The following ATXN7L1 variants were observed in gnomAD, a reference collection of about 807,000 sequenced individuals.
ATXN7L1 encodes ataxin-7-like protein 1.
Under a neutral mutation model 70.8 loss-of-function variants are expected in ATXN7L1, and 15 were observed. The observed-to-expected ratio is 0.21, with a 90% CI of 0.14 to 0.33. The LOEUF (loss-of-function observed/expected upper bound fraction) is 0.33. Ranked by LOEUF, ATXN7L1 falls within the 10% of genes least tolerant of loss-of-function variation. The pLI is 1.00. For missense variants in ATXN7L1, 975 were observed against 1,097.1 expected (o/e 0.89, Z 1.57); for synonymous variants, 440 against 445.1 (o/e 0.99, Z 0.14).
chr7:105,733,890 A>T (rs1797073895), intron 3 of ATXN7L1, among the ~76,000 whole-genome samples: 2 of 104,912 alleles, frequency 1.9e-5, no homozygotes, highest in East Asian at 2.9e-4. Flanking sequence ...ATCATCCATC[A>T]TCCATCCATC....
chr7:105,821,029 G>A (rs1185524228), intron 2 of ATXN7L1, among the ~76,000 whole-genome samples: 1 of 152,116 alleles, frequency 6.6e-6, no homozygotes, highest in Non-Finnish European at 1.5e-5. Context: ...TGAAACCTCT[G>A]TTTTTTTGTT....
At chr7:105,675,581 C>T (rs1020251917) in intron 3 of ATXN7L1, among the ~76,000 whole-genome samples, 5 of 151,428 alleles carry the variant, frequency 3.3e-5, no homozygotes, top group Admixed American at 1.3e-4. Flanking sequence ...CCTGAGATCA[C>T]GCCACTGCAC....
intron 3 of ATXN7L1, among the ~76,000 whole-genome samples, chr7:105,731,413 A>C (rs1796515007): frequency 6.6e-6 from 1 of 151,250 alleles, no homozygotes; most frequent in Non-Finnish European, 1.5e-5. Flanking sequence ...GTGTACCCTT[A>C]ACCTACATTA....
intron 2 of ATXN7L1, among the ~76,000 whole-genome samples, chr7:105,867,515 G>A (rs1189857519): frequency 2.0e-5 from 3 of 152,200 alleles, no homozygotes; most frequent in African/African-American, 4.8e-5. Context: ...TGTCACCAGT[G>A]ACTGCAGACT....
intron 4 of ATXN7L1, 58 bp downstream of exon 4, chr7:105,665,008 T>C: frequency 6.9e-7 from 1 of 1,446,898 alleles, no homozygotes; most frequent in Non-Finnish European, 9.5e-7. Flanking sequence ...TATTTCCCCA[T>C]GGTGACAGGA....
At chr7:105,838,700 C>T (rs185755820) in intron 2 of ATXN7L1, among the ~76,000 whole-genome samples, 8 of 152,272 alleles carry the variant, frequency 5.3e-5, no homozygotes, top group Admixed American at 4.6e-4. Flanking sequence ...CTGATTGTTC[C>T]ACTCCTTTCT....
intron 2 of ATXN7L1, among the ~76,000 whole-genome samples, chr7:105,832,643 C>T (rs1269841246): frequency 1.3e-5 from 2 of 152,212 alleles, no homozygotes; most frequent in East Asian, 3.8e-4. Flanking sequence ...GCTCACCCAG[C>T]CACTGCCTGC....
intron 3 of ATXN7L1, among the ~76,000 whole-genome samples, chr7:105,716,254 A>G (rs1794530422): frequency 6.6e-6 from 1 of 152,164 alleles, no homozygotes; most frequent in Non-Finnish European, 1.5e-5. Flanking sequence ...ATTTCATTAT[A>G]TAAATGAAAA....
chr7:105,791,427 C>G (rs1307400353), intron 2 of ATXN7L1, among the ~76,000 whole-genome samples: 3 of 152,102 alleles, frequency 2.0e-5, no homozygotes, highest in Non-Finnish European at 4.4e-5. Flanking sequence ...GACAAGAGCC[C>G]GAACCTGGGC....
At chr7:105,644,066 C>T (rs1445089690) in intron 4 of ATXN7L1, among the ~76,000 whole-genome samples, 1 of 152,172 alleles carries the variant, frequency 6.6e-6, no homozygotes, top group African/African-American at 2.4e-5. Context: ...CCAGTCATCT[C>T]TGAGCTGAGA....
At position 105,736,330 on chromosome 7, in the gene ATXN7L1, C is replaced by T. The variant is rs672454; in HGVS notation, c.355+52274G>A. On this transcript the variant is annotated intron_variant, in intron 3 of 11. Coordinates refer to ENST00000419735, the MANE Select transcript of ATXN7L1 (RefSeq NM_020725.2). ...TTGCCACGTGTGCTTAATTACCTTG[C>T]AGCACGATAATGAACAGGTCTGTCA... Among the ~76,000 whole-genome samples, 356 of 152,340 alleles carry T rather than the reference C, an allele frequency of 2.3e-3. 2 individuals carry two copies. The highest frequency in any genetic ancestry group is 7.9e-3 in the African/African-American group (328 of 41,560).
chr7:105,717,561 T>C (rs1794719161), intron 3 of ATXN7L1, among the ~76,000 whole-genome samples: 1 of 152,244 alleles, frequency 6.6e-6, no homozygotes, highest in African/African-American at 2.4e-5. Context: ...TGTACGCAAT[T>C]TGATTTATTT....
chr7:105,652,455 C>T (rs1799991973), intron 4 of ATXN7L1, among the ~76,000 whole-genome samples: 3 of 152,160 alleles, frequency 2.0e-5, no homozygotes, highest in Admixed American at 2.0e-4. Context: ...GAGGCAGAGC[C>T]CCAAGCACCC....
At chr7:105,781,007 C>T (rs1271874839) in intron 3 of ATXN7L1, among the ~76,000 whole-genome samples, 1 of 152,188 alleles carries the variant, frequency 6.6e-6, no homozygotes, top group South Asian at 2.1e-4. Flanking sequence ...GGCGATTTTG[C>T]ACCCTAGGGG....
intron 3 of ATXN7L1, chr7:105,761,048 C>A (rs76440200): frequency 5.6e-6 from 3 of 535,674 alleles, no homozygotes; most frequent in African/African-American, 2.0e-5. Context: ...CTGACTTCTG[C>A]GTGCAGAATG....
At chr7:105,759,876 T>C (rs550090372) in intron 3 of ATXN7L1, among the ~76,000 whole-genome samples, 8 of 151,780 alleles carry the variant, frequency 5.3e-5, no homozygotes, top group Admixed American at 1.3e-4. Flanking sequence ...CCCCCAAAGA[T>C]AGAAATCAGT....
chr7:105,870,634 T>C (rs1308626837), intron 2 of ATXN7L1, among the ~76,000 whole-genome samples: 1 of 152,188 alleles, frequency 6.6e-6, no homozygotes, highest in Non-Finnish European at 1.5e-5. Flanking sequence ...TTGGTATTCT[T>C]TAAAAAAAAA....
intron 9 of ATXN7L1, among the ~76,000 whole-genome samples, chr7:105,619,528 ATATTTTTTTTTTT>A (rs1794595320): frequency 6.8e-5 from 1 of 14,772 alleles, no homozygotes; most frequent in African/African-American, 3.0e-4. Flanking sequence ...ATATATATAT[ATATTTTTTTTTTT>A]TTTTTTTTTT....
intron 4 of ATXN7L1, among the ~76,000 whole-genome samples, chr7:105,660,232 A>G (rs979801427): frequency 6.6e-6 from 1 of 152,088 alleles, no homozygotes; most frequent in African/African-American, 2.4e-5. Flanking sequence ...CCATCATTCT[A>G]CGTGGCTGTC....
Sources: gnomAD v4.1 joint callset for allele counts (sites outside exome capture counted in the v4.1 genomes callset) on GRCh38, gnomAD v4.1.1 for gene constraint, MANE v1.5 for transcripts, NCBI Gene and HGNC (gene_info 2026-07-23, HGNC 2026-07-21) for gene names.